Variants in LARS2 observed in about 807,000 individuals in gnomAD.
The protein encoded by LARS2 is leucyl-tRNA synthetase 2, mitochondrial.
Under a neutral mutation model 116.6 loss-of-function variants are expected in LARS2, and 81 were observed. The observed-to-expected ratio is 0.69, with a 90% CI of 0.58 to 0.84. LARS2 has a LOEUF of 0.84. Among genes scored for constraint, LARS2 ranks in the 40% least tolerant of loss-of-function variants. The pLI is 0.00. For synonymous variants in LARS2, 396 were observed against 407.2 expected (o/e 0.97, Z 0.33); for missense variants, 968 against 1,114.5 (o/e 0.87, Z 1.87).
At chr3:45,493,470 G>A (rs1699959200) in intron 13 of LARS2, among the ~76,000 whole-genome samples, 1 of 152,114 alleles carries the variant, frequency 6.6e-6, no homozygotes, top group African/African-American at 2.4e-5. Flanking sequence ...GCAGCCCAGT[G>A]GTACAGACTA....
chr3:45,390,647 T>G (rs530757392), intron 1 of LARS2, among the ~76,000 whole-genome samples: 5 of 143,288 alleles, frequency 3.5e-5, no homozygotes, highest in African/African-American at 1.3e-4. Context: ...ATTTATTTAT[T>G]TATTTATTTA....
At chr3:45,476,401 A>G in intron 9 of LARS2, 67 bp from the exon 10 acceptor site, 2 of 1,528,082 alleles carry the variant, frequency 1.3e-6, no homozygotes, top group Non-Finnish European at 1.8e-6. Flanking sequence ...AAGGGGATAC[A>G]GTTAGGGAGC....
At chr3:45,536,465 AT>A (rs1371465488) in intron 20 of LARS2, among the ~76,000 whole-genome samples, 4 of 152,120 alleles carry the variant, frequency 2.6e-5, no homozygotes, top group African/African-American at 9.7e-5. Flanking sequence ...CCAACCATTC[AT>A]CTTACTACTG....
At chr3:45,397,134 C>T (rs1275454345) in intron 3 of LARS2, among the ~76,000 whole-genome samples, 1 of 152,226 alleles carries the variant, frequency 6.6e-6, no homozygotes, top group Non-Finnish European at 1.5e-5. Context: ...CATCCTTTCC[C>T]TATCATTTAA....
chr3:45,476,266 G>A (rs893669881), intron 9 of LARS2, among the ~76,000 whole-genome samples: 2 of 152,064 alleles, frequency 1.3e-5, no homozygotes, highest in African/African-American at 4.8e-5. Flanking sequence ...CAAGTGGTAG[G>A]GGGTGTTTCT....
intron 8 of LARS2, among the ~76,000 whole-genome samples, chr3:45,465,324 A>G (rs1275023083): frequency 6.6e-6 from 1 of 152,026 alleles, no homozygotes; most frequent in African/African-American, 2.4e-5. Context: ...CTGCTTTTCT[A>G]TCCTCCATCC....
intron 7 of LARS2, among the ~76,000 whole-genome samples, chr3:45,453,413 C>T (rs1048563678): frequency 2.0e-5 from 3 of 152,144 alleles, no homozygotes; most frequent in Admixed American, 6.5e-5. Flanking sequence ...GGAATGAGGG[C>T]GAGTCCCCTA....
intron 6 of LARS2, among the ~76,000 whole-genome samples, chr3:45,422,710 T>C (rs1387790412): frequency 6.6e-6 from 1 of 152,236 alleles, no homozygotes; most frequent in Non-Finnish European, 1.5e-5. Flanking sequence ...CAATTGCTTT[T>C]AATACTTGGC....
chr3:45,472,052 T>G (rs1699537584), intron 8 of LARS2, among the ~76,000 whole-genome samples: 1 of 152,226 alleles, frequency 6.6e-6, no homozygotes, highest in Non-Finnish European at 1.5e-5. Context: ...TCTGATTAAC[T>G]TAAGCCAAGG....
chr3:45,389,287 A>G (rs1367035919), intron 1 of LARS2, among the ~76,000 whole-genome samples: 1 of 152,038 alleles, frequency 6.6e-6, no homozygotes, highest in African/African-American at 2.4e-5. Flanking sequence ...GAGAACAGAA[A>G]AGGAAGGTGG....
chr3:45,493,328 T>C (rs1699955851), intron 13 of LARS2, among the ~76,000 whole-genome samples: 1 of 152,196 alleles, frequency 6.6e-6, no homozygotes, highest in Non-Finnish European at 1.5e-5. Flanking sequence ...CTCCATCTCC[T>C]GACCTCGTGT....
intron 8 of LARS2, among the ~76,000 whole-genome samples, chr3:45,473,804 A>G (rs1319154797): frequency 2.0e-5 from 3 of 151,860 alleles, no homozygotes; most frequent in African/African-American, 7.3e-5. Context: ...AATACTTTTT[A>G]AATGCAAAGA....
chr3:45,480,272 C>A (rs1699677166), intron 10 of LARS2, among the ~76,000 whole-genome samples: 1 of 152,216 alleles, frequency 6.6e-6, no homozygotes, highest in Non-Finnish European at 1.5e-5. Context: ...CTGTGACTGT[C>A]TGAGAGAGGA....
chr3:45,495,271 T>A (rs1699991950), intron 13 of LARS2: 1 of 152,228 alleles, frequency 6.6e-6, no homozygotes, highest in South Asian at 2.1e-4. Flanking sequence ...ATGGTAGATA[T>A]GTAATTAGCT....
chr3:45,511,027 G>A (rs867787775), intron 15 of LARS2, among the ~76,000 whole-genome samples: 4 of 152,166 alleles, frequency 2.6e-5, no homozygotes, highest in East Asian at 1.9e-4. Flanking sequence ...TCAGAGACTC[G>A]TTCTGAGCAC....
intron 15 of LARS2, among the ~76,000 whole-genome samples, chr3:45,511,527 C>G (rs910697679): frequency 2.6e-5 from 4 of 152,006 alleles, no homozygotes; most frequent in Admixed American, 6.5e-5. Flanking sequence ...CATTATACCG[C>G]TAGGACTTAC....
intron 6 of LARS2, among the ~76,000 whole-genome samples, chr3:45,444,171 A>T (rs1243511731): frequency 1.5e-5 from 2 of 132,086 alleles, no homozygotes; most frequent in Non-Finnish European, 1.6e-5. Flanking sequence ...TTCCTGGCTA[A>T]TTTTTTTTTT....
intron 6 of LARS2, among the ~76,000 whole-genome samples, chr3:45,430,786 C>T (rs974325526): frequency 2.0e-5 from 3 of 150,998 alleles, no homozygotes; most frequent in Admixed American, 6.6e-5. Context: ...GGGGTTTCAC[C>T]GTGTTAGCCA....
intron 4 of LARS2, among the ~76,000 whole-genome samples, chr3:45,417,030 C>T (rs1007562191): frequency 6.7e-6 from 1 of 149,954 alleles, no homozygotes; most frequent in Non-Finnish European, 1.5e-5. Context: ...GCCGAGATCA[C>T]GCCACTGCAC....
Sources: allele counts gnomAD v4.1 joint callset (sites outside exome capture counted in the v4.1 genomes callset), GRCh38; gene constraint gnomAD v4.1.1; transcripts MANE v1.5; gene names NCBI Gene and HGNC (gene_info 2026-07-23, HGNC 2026-07-21).